The following ARSB variants were observed in gnomAD, a reference collection of about 807,000 sequenced individuals.
ARSB encodes N-acetylgalactosamine-4-sulfatase.
In ARSB, 41 loss-of-function variants were observed where a neutral mutation model predicts 50.9. The ratio of observed to expected loss-of-function variants is 0.81; its 90% CI spans 0.63 to 1.04. The LOEUF is 1.04. ARSB is among the 50% of genes least tolerant of loss of function. The probability of loss-of-function intolerance (pLI) is 0.00; values close to 1 mark genes in which losing one functional copy is unlikely to be tolerated. For synonymous variants in ARSB, 269 were observed against 284.8 expected, an observed-to-expected ratio of 0.94 and a Z score of 0.56; for missense variants, 672 against 693.3, an observed-to-expected ratio of 0.97 and a Z score of 0.35.
intron 6 of ARSB, among the ~76,000 whole-genome samples, chr5:78,834,157 G>A (rs954209295): frequency 2.6e-5 from 4 of 152,104 alleles, no homozygotes; most frequent in Non-Finnish European, 5.9e-5. Context: ...TGTGCATATG[G>A]CAGTAAATGA....
chr5:78,945,951 T>C (rs1365870804), intron 4 of ARSB, among the ~76,000 whole-genome samples: 1 of 152,224 alleles, frequency 6.6e-6, no homozygotes, highest in African/African-American at 2.4e-5. Context: ...CTGGGCTTCA[T>C]CCTAATATTC....
chr5:78,937,720 A>G (rs1212513074), intron 4 of ARSB, among the ~76,000 whole-genome samples: 2 of 150,884 alleles, frequency 1.3e-5, no homozygotes, highest in Non-Finnish European at 2.9e-5. Flanking sequence ...CAAATGCAAG[A>G]CCCTTTGGTG....
intron 5 of ARSB, among the ~76,000 whole-genome samples, chr5:78,874,058 A>G (rs533054504): frequency 6.6e-6 from 1 of 152,358 alleles, no homozygotes; most frequent in Non-Finnish European, 1.5e-5. Flanking sequence ...GAAAACAAGC[A>G]AAGATTAGGG....
chr5:78,909,557 C>T (rs1202980317), intron 4 of ARSB, among the ~76,000 whole-genome samples: 1 of 152,130 alleles, frequency 6.6e-6, no homozygotes, highest in Admixed American at 6.5e-5. Context: ...GGATCTAGGG[C>T]TGTGTGGGAT....
At chr5:78,820,952 C>T (rs1394355575) in intron 6 of ARSB, among the ~76,000 whole-genome samples, 2 of 150,034 alleles carry the variant, frequency 1.3e-5, no homozygotes, top group Non-Finnish European at 1.5e-5. Context: ...AAAAAAACCC[C>T]ACAACATTTT....
In ARSB at chr5:78,964,556, T is replaced by C. The variant is rs371812342; in HGVS notation, c.550A>G (p.Ile184Val). The stretch of plus-strand genomic sequence containing the variant: ...CATCGTGTGACATTCAGAGCGTCAA[T>C]TAATGTACAGCGTTCATGGGAATAA... ...DYYSHERCTL[I>V]DALNVTRCAL... Residue 184 changes from isoleucine (I) to valine (V), a missense_variant, in exon 3 of 8, where the codon ATT becomes GTT. Physicochemically the swap from Ile to Val is conservative, Grantham distance 29. Coordinates refer to ENST00000264914, the MANE Select transcript of ARSB (RefSeq NM_000046.5). 113 of 1,613,920 alleles carry C rather than the reference T, an allele frequency of 7.0e-5. No individual in the cohort carries two copies. The highest frequency in any genetic ancestry group is 9.2e-5 in the Non-Finnish European group (109 of 1,179,948).
intron 4 of ARSB, among the ~76,000 whole-genome samples, chr5:78,926,850 T>A (rs555927770): frequency 1.2e-4 from 18 of 152,340 alleles, no homozygotes; most frequent in South Asian, 6.2e-4. Context: ...AATCTTCTAG[T>A]GGCCAGATCA....
At chr5:78,871,379 C>T (rs1225388705) in intron 5 of ARSB, among the ~76,000 whole-genome samples, 1 of 150,574 alleles carries the variant, frequency 6.6e-6, no homozygotes, top group African/African-American at 2.5e-5. Context: ...GCCAAAAGAA[C>T]AAAGCTGGAG....
Position 78,909,424 on chromosome 5 carries a change from A to G in ARSB, c.899-23597T>C, listed in dbSNP as rs926719069. Among the ~76,000 whole-genome samples, 45 of 152,350 alleles carry G rather than the reference A, an allele frequency of 3.0e-4. 1 individual carries two copies. The highest frequency in any genetic ancestry group is 1.1e-3 in the African/African-American group (44 of 41,586). On this transcript the variant is annotated intron_variant, in intron 4 of 7. Transcript: ENST00000264914. ...TGTCTCTATGTAGAAAGGGAAAGACATAAGAAACTCCATTTTGATCTGTAC... is the reference window on the plus strand; with the variant it reads ...TGTCTCTATGTAGAAAGGGAAAGACGTAAGAAACTCCATTTTGATCTGTAC...
At chr5:78,983,205 C>A (rs1194924291) in intron 1 of ARSB, among the ~76,000 whole-genome samples, 1 of 152,132 alleles carries the variant, frequency 6.6e-6, no homozygotes, top group Non-Finnish European at 1.5e-5. Context: ...AGACGCATGC[C>A]ACCACACTCG....
intron 6 of ARSB, among the ~76,000 whole-genome samples, chr5:78,810,610 G>T (rs928171904): frequency 6.6e-6 from 1 of 152,168 alleles, no homozygotes; most frequent in East Asian, 1.9e-4. Context: ...GCAAAGCTGC[G>T]CCTTTAACCA....
intron 5 of ARSB, 53 bp downstream of exon 5, chr5:78,885,531 A>C: frequency 6.2e-7 from 1 of 1,602,738 alleles, no homozygotes. Context: ...CAATGGAGTC[A>C]GGCTGCTCTT....
intron 4 of ARSB, among the ~76,000 whole-genome samples, chr5:78,895,378 C>A (rs1432801104): frequency 2.0e-5 from 3 of 152,082 alleles, no homozygotes; most frequent in Admixed American, 1.3e-4. Flanking sequence ...AAGATGCATA[C>A]TACAATAAAA....
At chr5:78,945,142 G>T (rs1191809495) in intron 4 of ARSB, among the ~76,000 whole-genome samples, 2 of 152,302 alleles carry the variant, frequency 1.3e-5, no homozygotes, top group East Asian at 1.9e-4. Context: ...CAGTATTAGG[G>T]TGGGAGTGAC....
At chr5:78,922,001 C>G (rs1389387029) in intron 4 of ARSB, among the ~76,000 whole-genome samples, 1 of 152,062 alleles carries the variant, frequency 6.6e-6, no homozygotes, top group Non-Finnish European at 1.5e-5. Flanking sequence ...AGCTGGCACC[C>G]GTGGAGGGAG....
At position 78,886,979 on chromosome 5, in the gene ARSB, G is replaced by A. The variant is rs925346456; in HGVS notation, c.899-1152C>T. On this transcript the variant is annotated intron_variant, in intron 4 of 7. Transcript: ENST00000264914. ...TTTTGCATTATCTCTCACAGAATCT[G>A]GGGTTGGCAGACCTGGAATAGAAGC... Among the ~76,000 whole-genome samples, 20 of 152,186 alleles carry A rather than the reference G, an allele frequency of 1.3e-4. 1 individual carries two copies. The highest frequency in any genetic ancestry group is 1.3e-3 in the Admixed American group (20 of 15,288).
chr5:78,852,097 G>C (rs555036844), intron 5 of ARSB, among the ~76,000 whole-genome samples: 5 of 152,286 alleles, frequency 3.3e-5, no homozygotes, highest in South Asian at 2.1e-4. Context: ...ATTTGATCTT[G>C]TCATTATGAT....
At chr5:78,961,479 G>A (rs1751980678) in intron 3 of ARSB, among the ~76,000 whole-genome samples, 1 of 152,134 alleles carries the variant, frequency 6.6e-6, no homozygotes, top group Non-Finnish European at 1.5e-5. Context: ...AGTTACCTAC[G>A]AACAGCGGCT....
chr5:78,886,005 A>C (rs1748018080), intron 4 of ARSB, among the ~76,000 whole-genome samples, 178 bp from the exon 5 acceptor site: 1 of 152,176 alleles, frequency 6.6e-6, no homozygotes, highest in South Asian at 2.1e-4. Context: ...CATTATTCAG[A>C]CATAAGTAAG....
Sources: gnomAD v4.1 joint callset for allele counts (sites outside exome capture counted in the v4.1 genomes callset) on GRCh38, gnomAD v4.1.1 for gene constraint, MANE v1.5 for transcripts, NCBI Gene and HGNC (gene_info 2026-07-23, HGNC 2026-07-21) for gene names.